The following LRRC4C variants were observed in gnomAD, a reference collection of about 807,000 sequenced individuals.
LRRC4C encodes the protein leucine rich repeat containing 4C.
Under a neutral mutation model 33.6 loss-of-function variants are expected in LRRC4C, and 5 were observed. The ratio of observed to expected loss-of-function variants is 0.15; its 90% confidence interval spans 0.08 to 0.31. The LOEUF is 0.31. Among genes scored for constraint, LRRC4C ranks in the 10% least tolerant of loss-of-function variants. The pLI is 1.00. For missense variants in LRRC4C, 560 were observed against 796.7 expected, an observed-to-expected ratio of 0.70 and a Z score of 3.58; for synonymous variants, 329 against 302.0, an observed-to-expected ratio of 1.09 and a Z score of -0.93.
chr11:40,388,635 C>T (rs1318300409), intron 3 of LRRC4C, among the ~76,000 whole-genome samples: 1 of 152,128 alleles, frequency 6.6e-6, no homozygotes, highest in Admixed American at 6.6e-5. Flanking sequence ...CAAGGAACAT[C>T]CAGATACCAA....
chr11:40,887,283 G>T (rs1314167221), intron 2 of LRRC4C, among the ~76,000 whole-genome samples: 1 of 151,806 alleles, frequency 6.6e-6, no homozygotes, highest in Non-Finnish European at 1.5e-5. Flanking sequence ...ATCATCAGTG[G>T]ATTCTAGAAC....
At chr11:40,123,429 G>A (rs997946799) in intron 6 of LRRC4C, among the ~76,000 whole-genome samples, 1 of 151,972 alleles carries the variant, frequency 6.6e-6, no homozygotes. Flanking sequence ...AAAATAAGTA[G>A]CATTTCTAAA....
intron 3 of LRRC4C, among the ~76,000 whole-genome samples, chr11:40,331,037 T>A (rs1048957864): frequency 3.3e-5 from 5 of 152,184 alleles, no homozygotes; most frequent in African/African-American, 1.2e-4. Context: ...CAGGGTCAAA[T>A]TTTTAAGCTT....
At chr11:40,776,210 A>C (rs535056882) in intron 2 of LRRC4C, among the ~76,000 whole-genome samples, 8 of 151,950 alleles carry the variant, frequency 5.3e-5, no homozygotes, top group African/African-American at 1.9e-4. Context: ...ATCTGTGTTC[A>C]TCAGAAATAT....
chr11:40,843,692 A>G (rs187831959), intron 2 of LRRC4C, among the ~76,000 whole-genome samples: 74 of 152,328 alleles, frequency 4.9e-4, no homozygotes, highest in Non-Finnish European at 9.0e-4. Context: ...TAAACCATTT[A>G]TTCCATAATA....
At chr11:40,691,546 C>T (rs995064106) in intron 2 of LRRC4C, among the ~76,000 whole-genome samples, 1 of 151,940 alleles carries the variant, frequency 6.6e-6, no homozygotes, top group Non-Finnish European at 1.5e-5. Flanking sequence ...AACTACATAC[C>T]GGTGTACAAG....
chr11:41,101,995 G>A (rs927290946), intron 1 of LRRC4C, among the ~76,000 whole-genome samples: 4 of 152,000 alleles, frequency 2.6e-5, no homozygotes, highest in African/African-American at 9.7e-5. Flanking sequence ...GTAAAGAGTA[G>A]GAGAAGAAAG....
At chr11:40,437,348 A>C (rs1377507989) in intron 3 of LRRC4C, among the ~76,000 whole-genome samples, 1 of 152,032 alleles carries the variant, frequency 6.6e-6, no homozygotes, top group Non-Finnish European at 1.5e-5. Context: ...TATGTAAGTC[A>C]GAGCCTGTCT....
In LRRC4C at chr11:40,441,264, C is replaced by T. The variant is rs566893755; in HGVS notation, c.-269-121543G>A. Among the ~76,000 whole-genome samples, 5 of 152,292 alleles carry T rather than the reference C, an allele frequency of 3.3e-5. No homozygotes were observed. In the East Asian group the frequency reaches 9.7e-4, roughly 29 times the overall value. ...GGTTGTAGATATTTGCTCAACTGCT[C>T]TCTTTGAGTTGCAAATTTGTAATGA... On this transcript the variant is annotated intron_variant, in intron 3 of 6. Transcript: ENST00000528697.
intron 1 of LRRC4C, among the ~76,000 whole-genome samples, chr11:41,399,503 A>AG (rs1953947129): frequency 6.6e-6 from 1 of 151,988 alleles, no homozygotes; most frequent in African/African-American, 2.4e-5. Flanking sequence ...TTCACGGAGA[A>AG]GAAAAACCAA....
intron 1 of LRRC4C, among the ~76,000 whole-genome samples, chr11:41,064,770 A>G (rs1012765743): frequency 3.3e-5 from 5 of 152,204 alleles, no homozygotes; most frequent in Admixed American, 3.3e-4. Flanking sequence ...TAACCCACAG[A>G]GGGAGCAGAA....
At chr11:40,520,956 A>G (rs1313442896) in intron 3 of LRRC4C, among the ~76,000 whole-genome samples, 3 of 152,188 alleles carry the variant, frequency 2.0e-5, no homozygotes. Context: ...ATTCATTTCT[A>G]TTAGTATCAT....
Position 41,186,034 on chromosome 11 carries a change from C to G in LRRC4C, c.-495-252311G>C, listed in dbSNP as rs539939796. Among the ~76,000 whole-genome samples, 3 of 151,806 alleles carry G rather than the reference C, an allele frequency of 2.0e-5. No homozygotes were observed. The South Asian group carries it at 6.2e-4, about 32-fold the overall frequency. ...GAGAGGTAAATATAGTAAATAAACA[C>G]ATAGAAAAAATGTCCAGCCTTGATA... On this transcript the variant is annotated intron_variant, in intron 1 of 6. Coordinates refer to ENST00000528697, the MANE Select transcript of LRRC4C (RefSeq NM_001258419.2).
intron 2 of LRRC4C, among the ~76,000 whole-genome samples, chr11:40,870,566 A>G (rs1212903057): frequency 6.6e-6 from 1 of 152,162 alleles, no homozygotes; most frequent in Non-Finnish European, 1.5e-5. Flanking sequence ...ATACTTTTAT[A>G]ATTTCTTACA....
chr11:41,200,478 GTTC>G (rs1309861864), intron 1 of LRRC4C, among the ~76,000 whole-genome samples: 2 of 152,038 alleles, frequency 1.3e-5, no homozygotes, highest in African/African-American at 2.4e-5. Context: ...GCAGAGACTT[GTTC>G]TTCTCCAGAA....
chr11:41,148,493 G>A (rs543497949), intron 1 of LRRC4C, among the ~76,000 whole-genome samples: 2 of 152,150 alleles, frequency 1.3e-5, no homozygotes, highest in East Asian at 3.9e-4. Context: ...AGGGGTGGAG[G>A]GTGAGGTATG....
chr11:41,028,774 GTTTT>G (rs534133378), intron 1 of LRRC4C, among the ~76,000 whole-genome samples: 1 of 150,128 alleles, frequency 6.7e-6, no homozygotes, highest in East Asian at 2.0e-4. Context: ...TGCTTGGAAT[GTTTT>G]TTTTTCTTTC....
At chr11:41,408,747 TAAAA>T (rs35914452) in intron 1 of LRRC4C, among the ~76,000 whole-genome samples, 6 of 131,774 alleles carry the variant, frequency 4.6e-5, no homozygotes, top group Non-Finnish European at 9.3e-5. Context: ...TATATTTTTG[TAAAA>T]AAAAAAAAAA....
At chr11:40,818,306 C>T (rs919268042) in intron 2 of LRRC4C, among the ~76,000 whole-genome samples, 2 of 151,998 alleles carry the variant, frequency 1.3e-5, no homozygotes, top group East Asian at 1.9e-4. Flanking sequence ...CACTAAGGAT[C>T]GCAAGTTCCT....
Sources: allele counts gnomAD v4.1 joint callset (sites outside exome capture counted in the v4.1 genomes callset), GRCh38; gene constraint gnomAD v4.1.1; transcripts MANE v1.5; gene names NCBI Gene and HGNC (gene_info 2026-07-23, HGNC 2026-07-21).